The following NNMT variants were observed in gnomAD, a reference collection of about 807,000 sequenced individuals.
NNMT encodes nicotinamide N-methyltransferase.
Under a neutral mutation model 11.7 loss-of-function variants are expected in NNMT, and 10 were observed. The ratio of observed to expected loss-of-function variants is 0.85; its 90% CI spans 0.53 to 1.45. NNMT has a LOEUF of 1.45. Among genes scored for constraint, NNMT ranks in the 40% most tolerant of loss-of-function variants. NNMT has a pLI of 0.00. For missense variants in NNMT, 381 were observed against 319.4 expected, an observed-to-expected ratio of 1.19 and a Z score of -1.47; for synonymous variants, 143 against 133.8, an observed-to-expected ratio of 1.07 and a Z score of -0.48.
intron 2 of NNMT, among the ~76,000 whole-genome samples, chr11:114,272,129 G>A (rs1367431749): frequency 6.6e-6 from 1 of 152,084 alleles, no homozygotes; most frequent in Non-Finnish European, 1.5e-5. Flanking sequence ...AGGCCCGGGG[G>A]ATCAGATGGT....
chr11:114,267,852 G>A (rs560788299), intron 2 of NNMT, among the ~76,000 whole-genome samples: 3 of 152,242 alleles, frequency 2.0e-5, no homozygotes, highest in Non-Finnish European at 2.9e-5. Context: ...ATTAGGAATG[G>A]TTCCTCCGTA....
At chr11:114,302,190 T>C (rs1945445240) in intron 2 of NNMT, among the ~76,000 whole-genome samples, 1 of 152,222 alleles carries the variant, frequency 6.6e-6, no homozygotes, top group Non-Finnish European at 1.5e-5. Context: ...ATCTACCATC[T>C]TGGTATATGA....
intron 1 of NNMT, 89 bp from the exon 2 acceptor site, chr11:114,297,862 C>T (rs2135271884): frequency 9.0e-7 from 1 of 1,107,106 alleles, no homozygotes; most frequent in Non-Finnish European, 1.4e-6. Context: ...GGATCGCCAG[C>T]ACAGTCCCAG....
chr11:114,287,283 T>C (rs1945306566), intron 2 of NNMT, among the ~76,000 whole-genome samples: 1 of 152,220 alleles, frequency 6.6e-6, no homozygotes, highest in Non-Finnish European at 1.5e-5. Flanking sequence ...TCATGATTCA[T>C]GGCTTTTGTG....
intron 1 of NNMT, among the ~76,000 whole-genome samples, chr11:114,297,635 G>A (rs986065826): frequency 6.6e-6 from 1 of 151,890 alleles, no homozygotes; most frequent in Admixed American, 6.6e-5. Context: ...TCAGGCACAC[G>A]CCACCATGCC....
intron 2 of NNMT, among the ~76,000 whole-genome samples, chr11:114,273,652 C>T (rs1323787626): frequency 6.6e-6 from 1 of 152,020 alleles, no homozygotes; most frequent in African/African-American, 2.4e-5. Context: ...CCAGCCTGGC[C>T]AACATGGTGA....
chr11:114,290,548 A>G (rs1945327840), intron 2 of NNMT, among the ~76,000 whole-genome samples: 1 of 152,192 alleles, frequency 6.6e-6, no homozygotes, highest in African/African-American at 2.4e-5. Flanking sequence ...AGGGGGGATT[A>G]ATGTGGAAAA....
chr11:114,277,889 A>G (rs1190876078), intron 2 of NNMT, among the ~76,000 whole-genome samples: 1 of 152,198 alleles, frequency 6.6e-6, no homozygotes, highest in Non-Finnish European at 1.5e-5. Context: ...CCTCATGCTA[A>G]ACATAGTTGC....
intron 1 of NNMT, among the ~76,000 whole-genome samples, chr11:114,259,354 G>T (rs1032940630): frequency 6.6e-6 from 1 of 150,462 alleles, no homozygotes; most frequent in Non-Finnish European, 1.5e-5. Flanking sequence ...CAGTGGGGGG[G>T]GGGGAGCTCC....
intron 2 of NNMT, among the ~76,000 whole-genome samples, chr11:114,302,739 T>C (rs1426562203): frequency 6.6e-6 from 1 of 152,122 alleles, no homozygotes; most frequent in East Asian, 1.9e-4. Flanking sequence ...TTTTTATCCC[T>C]CCCTCCCAAT....
intron 2 of NNMT, among the ~76,000 whole-genome samples, chr11:114,307,204 C>T (rs1313605496): frequency 6.6e-6 from 1 of 152,162 alleles, no homozygotes; most frequent in Non-Finnish European, 1.5e-5. Context: ...CATTTCTACT[C>T]ACAGGTCTCA....
chr11:114,296,732 C>T (rs371910816), intron 1 of NNMT, 22 bp downstream of exon 1: 47 of 1,612,506 alleles, frequency 2.9e-5, no homozygotes, highest in Non-Finnish European at 3.8e-5. Context: ...GTCTGCATGT[C>T]TCCCCACTAA....
chr11:114,301,692 A>G, intron 2 of NNMT, among the ~76,000 whole-genome samples: 1 of 152,070 alleles, frequency 6.6e-6, no homozygotes, highest in East Asian at 1.9e-4. Context: ...AATGGTGGAC[A>G]CATGTCATTA....
rs747653053 is a variant in NNMT at position 114,297,982 on chromosome 11, C to T, written c.186C>T (p.Ile62=). 1.1e-5 allele frequency: 17 copies of T among 1,613,132 alleles called. No individual in the cohort carries two copies. The highest frequency in any genetic ancestry group is 5.3e-5 in the African/African-American group (4 of 74,864). The change falls in exon 2 of 3, where the codon ATC becomes ATT. Residue 62 remains isoleucine (I), a synonymous_variant. Coordinates refer to ENST00000299964, the MANE Select transcript of NNMT (RefSeq NM_006169.3). ...DGVKGDLLID[I]GSGPTIYQLL... ...TGAAGGGAGACCTGCTGATTGACAT[C>T]GGCTCTGGCCCCACTATCTATCAGC...
At position 114,296,494 on chromosome 11, in the gene NNMT, C is replaced by T; in HGVS notation, c.-63C>T. Reference sequence around the variant, plus strand: ...CAGGAAGACAACTTCTGCAGGGTCACTCCCTGGCTTCTGGAGGAAAGAGAA... The same window carrying T: ...CAGGAAGACAACTTCTGCAGGGTCATTCCCTGGCTTCTGGAGGAAAGAGAA... On this transcript the variant is annotated 5_prime_UTR_variant, in exon 1 of 3. Transcript: ENST00000299964. The T allele has an allele frequency of 3.8e-6, 6 of 1,571,966 alleles. No homozygotes were observed. Among genetic ancestry groups the T allele is most frequent in the Admixed American group, 3.5e-5 (2 of 57,942 alleles).
At chr11:114,285,844 G>A (rs527564459) in intron 2 of NNMT, among the ~76,000 whole-genome samples, 2 of 152,164 alleles carry the variant, frequency 1.3e-5, no homozygotes, top group Non-Finnish European at 2.9e-5. Context: ...GTACCCAGGG[G>A]TACATTTCTT....
chr11:114,279,368 T>G (rs1225223334), intron 2 of NNMT, among the ~76,000 whole-genome samples: 1 of 152,150 alleles, frequency 6.6e-6, no homozygotes, highest in African/African-American at 2.4e-5. Flanking sequence ...GAGGGAGGGA[T>G]TAGTTCCTGC....
At chr11:114,272,889 A>G (rs749228448) in intron 2 of NNMT, among the ~76,000 whole-genome samples, 119 of 152,310 alleles carry the variant, frequency 7.8e-4, no homozygotes, top group Non-Finnish European at 1.3e-3. Context: ...AACTTTTCTT[A>G]AACCTCTGAT....
At chr11:114,296,367 C>G (rs929326086), upstream of NNMT, 47 of 584,144 alleles carry the variant, frequency 8.0e-5, no homozygotes, top group Non-Finnish European at 5.6e-5. Flanking sequence ...TTTCCTAGAA[C>G]AGCCAGAACA....
Sources: allele counts gnomAD v4.1 joint callset (sites outside exome capture counted in the v4.1 genomes callset), GRCh38; gene constraint gnomAD v4.1.1; transcripts MANE v1.5; gene names NCBI Gene and HGNC (gene_info 2026-07-23, HGNC 2026-07-21).